The following USH2A variants were observed in gnomAD, a reference collection of about 807,000 sequenced individuals.
USH2A encodes the protein usherin, also known as Usher syndrome 2A (autosomal recessive, mild).
In USH2A, 443 loss-of-function variants were observed where a neutral mutation model predicts 538.9. The observed-to-expected ratio is 0.82, with a 90% CI of 0.76 to 0.89. USH2A has a LOEUF of 0.89. Ranked by LOEUF, USH2A falls within the 40% of genes least tolerant of loss-of-function variation. The pLI is 0.00. For missense variants in USH2A, 6,633 were observed against 6,324.8 expected, an observed-to-expected ratio of 1.05 and a Z score of -1.65; for synonymous variants, 2,413 against 2,273.5, an observed-to-expected ratio of 1.06 and a Z score of -1.75.
intron 11 of USH2A, among the ~76,000 whole-genome samples, chr1:216,274,263 T>A (rs1423762559): frequency 2.0e-5 from 3 of 152,140 alleles, no homozygotes; most frequent in Non-Finnish European, 4.4e-5. Flanking sequence ...GAAGCATTTA[T>A]ACCTCTAAAC....
Position 216,251,085 on chromosome 1 carries a change from C to T in USH2A, c.1985G>A (p.Cys662Tyr). ...GCCAGACACGTGTCTCTTACAATTA[C>T]ACTGTCCTCCAATCTAGAGAAGATA... is the stretch of plus-strand genomic sequence containing the variant. ...SILCDQIGGQ[C>Y]NCKRHVSGRQ... is the part of the protein sequence containing the mutation. The change falls in exon 12 of 72, where the codon TGT becomes TAT. Residue 662 changes from cysteine (C) to tyrosine (Y), a missense_variant. By Grantham distance (194) the Cys-to-Tyr change is radical. Transcript: ENST00000307340. The T allele has an allele frequency of 1.9e-6, 3 of 1,613,998 alleles. No homozygotes were observed. Among genetic ancestry groups the T allele is most frequent in the African/African-American group, 1.3e-5 (1 of 75,044 alleles).
rs2102644798 is a variant in USH2A at position 215,650,628 on chromosome 1, C to T, written c.14307G>A (p.Arg4769=). 6.2e-7 allele frequency: 1 copy of T among 1,614,152 alleles called. No homozygotes were observed. The highest frequency in any genetic ancestry group is 8.5e-7 in the Non-Finnish European group (1 of 1,180,038). The change falls in exon 65 of 72, where the codon AGG becomes AGA. Residue 4769 remains arginine (R), a synonymous_variant. Transcript: ENST00000307340. ...CCCCATGGGCGCTGCTGGAGAACAG[C>T]CTGTAGAGACTGACGATCCCGTTGG... The part of the protein sequence containing the change: ...GKPNGIVSLY[R]LFSSSAHGAE...
intron 37 of USH2A, among the ~76,000 whole-genome samples, chr1:215,948,449 C>T (rs1464274085): frequency 8.7e-5 from 13 of 149,182 alleles, no homozygotes; most frequent in Admixed American, 2.7e-4. Context: ...TATATACACA[C>T]ACACACACAC....
chr1:215,842,894 T>G (rs1217082592), intron 46 of USH2A, among the ~76,000 whole-genome samples: 1 of 152,102 alleles, frequency 6.6e-6, no homozygotes, highest in East Asian at 1.9e-4. Flanking sequence ...GGTTGTTAGG[T>G]GCAGCAAACC....
intron 43 of USH2A, among the ~76,000 whole-genome samples, chr1:215,875,911 T>C (rs1271678244): frequency 1.4e-5 from 2 of 144,142 alleles, no homozygotes; most frequent in Non-Finnish European, 3.0e-5. Context: ...AATATATAAA[T>C]ATATAATATA....
intron 61 of USH2A, among the ~76,000 whole-genome samples, chr1:215,685,339 T>G (rs1023796815): frequency 3.5e-5 from 4 of 115,170 alleles, no homozygotes; most frequent in African/African-American, 1.3e-4. Context: ...TCAGTTTTTT[T>G]TTTTTGTTGT....
At chr1:215,850,705 T>G in intron 44 of USH2A, among the ~76,000 whole-genome samples, 1 of 152,174 alleles carries the variant, frequency 6.6e-6, no homozygotes, top group East Asian at 1.9e-4. Flanking sequence ...TTAACAGATA[T>G]TTGTAAAACA....
At chr1:215,638,650 A>G (rs927654262) in intron 69 of USH2A, among the ~76,000 whole-genome samples, 6 of 146,794 alleles carry the variant, frequency 4.1e-5, no homozygotes, top group Admixed American at 1.4e-4. Context: ...GTGTATTGTA[A>G]CTCCTTGCCT....
At chr1:215,745,745 CTT>C (rs1250668267) in intron 58 of USH2A, among the ~76,000 whole-genome samples, 1 of 152,154 alleles carries the variant, frequency 6.6e-6, no homozygotes, top group East Asian at 1.9e-4. Flanking sequence ...GATATCAACA[CTT>C]ATATCAATAT....
At chr1:215,657,195 A>C (rs1226567318) in intron 64 of USH2A, among the ~76,000 whole-genome samples, 1 of 152,228 alleles carries the variant, frequency 6.6e-6, no homozygotes, top group Non-Finnish European at 1.5e-5. Flanking sequence ...ATGCCTCATA[A>C]ATAAAAAGAT....
chr1:215,977,302 G>C (rs1232713382), intron 35 of USH2A, among the ~76,000 whole-genome samples: 3 of 152,080 alleles, frequency 2.0e-5, no homozygotes, highest in East Asian at 3.9e-4. Flanking sequence ...AACTTTTTGA[G>C]GTAGCTATTT....
intron 61 of USH2A, among the ~76,000 whole-genome samples, chr1:215,694,875 CA>C (rs1658752123): frequency 6.6e-6 from 1 of 152,104 alleles, no homozygotes; most frequent in African/African-American, 2.4e-5. Flanking sequence ...TTAATCATCT[CA>C]AGAGAAAAAT....
chr1:215,848,485 G>A (rs372483213), intron 44 of USH2A, among the ~76,000 whole-genome samples: 5 of 152,066 alleles, frequency 3.3e-5, no homozygotes, highest in South Asian at 4.1e-4. Flanking sequence ...AGTTCAAGAT[G>A]AGCAAAGATC....
At chr1:216,099,657 T>A (rs537174511) in intron 21 of USH2A, among the ~76,000 whole-genome samples, 1 of 152,154 alleles carries the variant, frequency 6.6e-6, no homozygotes, top group African/African-American at 2.4e-5. Context: ...ATTGAAAGGA[T>A]AAACTCTATA....
chr1:216,151,389 A>T (rs2102620176), intron 21 of USH2A, among the ~76,000 whole-genome samples: 1 of 152,060 alleles, frequency 6.6e-6, no homozygotes, highest in East Asian at 1.9e-4. Flanking sequence ...TTACCCCCAA[A>T]ATTCAATTTG....
chr1:216,107,736 C>T (rs577903912), intron 21 of USH2A, among the ~76,000 whole-genome samples: 2 of 149,946 alleles, frequency 1.3e-5, no homozygotes, highest in African/African-American at 4.9e-5. Context: ...CCTTCCCTAC[C>T]TTGTTATGGA....
intron 61 of USH2A, among the ~76,000 whole-genome samples, chr1:215,685,514 C>A (rs188680878): frequency 6.6e-6 from 1 of 151,936 alleles, no homozygotes; most frequent in African/African-American, 2.4e-5. Context: ...CCCGCCACCA[C>A]GCCCAGGTAA....
chr1:216,201,433 C>T (rs2034997916), intron 16 of USH2A, among the ~76,000 whole-genome samples: 1 of 151,848 alleles, frequency 6.6e-6, no homozygotes, highest in African/African-American at 2.4e-5. Flanking sequence ...CTCAGTCTCC[C>T]AAATAGAATA....
chr1:216,019,125 T>A (rs6667705), intron 32 of USH2A, among the ~76,000 whole-genome samples: 2,220 of 152,330 alleles, frequency 0.015, 44 homozygotes, highest in African/African-American at 0.051. Flanking sequence ...GAATTTTATC[T>A]GGCTAGAAGA....
Sources: gnomAD v4.1 joint callset for allele counts (sites outside exome capture counted in the v4.1 genomes callset) on GRCh38, gnomAD v4.1.1 for gene constraint, MANE v1.5 for transcripts, NCBI Gene and HGNC (gene_info 2026-07-23, HGNC 2026-07-21) for gene names.